Variants in MTR observed in about 807,000 individuals in gnomAD.
The protein encoded by MTR is 5-methyltetrahydrofolate-homocysteine methyltransferase, also known as methionine synthase.
In MTR, 84 loss-of-function variants were observed where a neutral mutation model predicts 154.8. The ratio of observed to expected loss-of-function variants is 0.54; its 90% CI spans 0.45 to 0.65. MTR has a LOEUF of 0.65. MTR is among the 30% of genes least tolerant of loss of function. The pLI is 0.00. For synonymous variants in MTR, 554 were observed against 553.9 expected (o/e 1.00, Z 0.00); for missense variants, 1,275 against 1,570.2 (o/e 0.81, Z 3.18).
rs1319904435 is a variant in MTR at position 236,795,648 on chromosome 1, T to A, written c.-56T>A. The A allele has an allele frequency of 6.2e-7, 1 of 1,611,940 alleles. No individual in the cohort carries two copies. Among genetic ancestry groups the A allele is most frequent in the South Asian group, 1.1e-5 (1 of 91,052 alleles). ...GGCGTGGCCCTTGGCCGTCGTCACCTGTGGAGAGCACGTCTTCTCTGCCGC... is the reference window on the plus strand; with the variant it reads ...GGCGTGGCCCTTGGCCGTCGTCACCAGTGGAGAGCACGTCTTCTCTGCCGC... On this transcript the variant is annotated 5_prime_UTR_variant, in exon 1 of 33. Transcript: ENST00000366577.
chr1:236,867,851 C>T (rs540071034), intron 22 of MTR, among the ~76,000 whole-genome samples: 1 of 152,128 alleles, frequency 6.6e-6, no homozygotes, highest in Non-Finnish European at 1.5e-5. Flanking sequence ...GCTACAATCT[C>T]GTAATACAAC....
chr1:236,897,744 TG>T lies in MTR; in HGVS notation c.*102del. 1 of 1,027,158 alleles carries T rather than the reference TG, an allele frequency of 9.7e-7. No homozygotes were observed. The highest frequency in any genetic ancestry group is 2.4e-5 in the East Asian group (1 of 41,864). The allele number at this position is 1,027,158 out of a possible 1,614,324, so 63.6% of individuals were successfully genotyped here. ...CAACAACAAAAAACCTGTGTGCATC[TG>T]GCTGACACTTACCTGCTTCTGGTTT... On this transcript the variant is annotated 3_prime_UTR_variant, in exon 33 of 33. Transcript: ENST00000366577.
Position 236,852,649 on chromosome 1 carries a change from G to C in MTR, c.1812+12G>C. 6.2e-7 allele frequency: 1 copy of C among 1,609,108 alleles called. No homozygotes were observed. Among genetic ancestry groups the C allele is most frequent in the East Asian group, 2.2e-5 (1 of 44,856 alleles). On this transcript the variant is annotated intron_variant, in intron 17 of 32. Coordinates refer to ENST00000366577, the MANE Select transcript of MTR (RefSeq NM_000254.3). ...ACCATGCAATCAAGGTATGGTAGAAGAACTCTTAGCCCTGCGGAAACCAGT... is the reference window on the plus strand; with the variant it reads ...ACCATGCAATCAAGGTATGGTAGAACAACTCTTAGCCCTGCGGAAACCAGT...
chr1:236,795,299 A>T lies in MTR; in HGVS notation c.-405A>T. Reference sequence around the variant, plus strand: ...CGAGGATAGATTGAGCGCAGAACTAACCGCGCTCTGAAAGGTTCTAAATGT... The same window carrying T: ...CGAGGATAGATTGAGCGCAGAACTATCCGCGCTCTGAAAGGTTCTAAATGT... On this transcript the variant is annotated 5_prime_UTR_variant, in exon 1 of 33. Coordinates refer to ENST00000366577, the MANE Select transcript of MTR (RefSeq NM_000254.3). 1.6e-6 allele frequency: 2 copies of T among 1,219,172 alleles called. No individual in the cohort carries two copies. Among genetic ancestry groups the T allele is most frequent in the Non-Finnish European group, 2.1e-6 (2 of 954,752 alleles). The allele number at this position is 1,219,172 out of a possible 1,614,324, so 75.5% of individuals were successfully genotyped here. A position where few individuals can be genotyped will look rare whatever the true frequency, so the allele number is the denominator to read the frequency against.
At chr1:236,874,223 T>C (rs1044567395) in intron 23 of MTR, among the ~76,000 whole-genome samples, 2 of 152,140 alleles carry the variant, frequency 1.3e-5, no homozygotes, top group Admixed American at 6.5e-5. Context: ...ATAAATCTTA[T>C]TTACTACCAA....
chr1:236,809,145 T>C (rs1661158955), intron 4 of MTR, among the ~76,000 whole-genome samples: 1 of 152,358 alleles, frequency 6.6e-6, no homozygotes, highest in East Asian at 1.9e-4. Context: ...TTGGCTGTTA[T>C]TAGGATAATT....
chr1:236,803,100 G>C (rs888002379), intron 1 of MTR, among the ~76,000 whole-genome samples: 7 of 152,138 alleles, frequency 4.6e-5, no homozygotes, highest in African/African-American at 1.7e-4. Context: ...TATCTGCACA[G>C]AATTAACAAG....
intron 22 of MTR, among the ~76,000 whole-genome samples, chr1:236,867,073 A>G (rs1664860512): frequency 6.6e-6 from 1 of 152,196 alleles, no homozygotes; most frequent in African/African-American, 2.4e-5. Flanking sequence ...ATGCTAACCA[A>G]TAGGTTTTCA....
intron 7 of MTR, 35 bp downstream of exon 7, chr1:236,815,698 T>TC (rs1386970036): frequency 3.5e-6 from 3 of 847,276 alleles, no homozygotes; most frequent in Non-Finnish European, 5.0e-6. Flanking sequence ...TACATTCTTT[T>TC]ATTAATAATT....
intron 25 of MTR, among the ~76,000 whole-genome samples, chr1:236,882,534 G>C (rs1385068390): frequency 2.0e-5 from 3 of 152,090 alleles, no homozygotes; most frequent in Admixed American, 2.0e-4. Context: ...GGGATTACAG[G>C]TGTGCACCAC....
intron 8 of MTR, among the ~76,000 whole-genome samples, chr1:236,823,637 A>G (rs1366877057): frequency 6.6e-6 from 1 of 152,092 alleles, no homozygotes; most frequent in Non-Finnish European, 1.5e-5. Context: ...CCACCCACTG[A>G]CAACCTTATA....
intron 30 of MTR, 146 bp from the exon 31 acceptor site, chr1:236,895,212 A>T: frequency 1.1e-6 from 1 of 922,484 alleles, no homozygotes; most frequent in Non-Finnish European, 1.7e-6. Context: ...TCAAGAATCC[A>T]GCCTGTTTCC....
Position 236,835,554 on chromosome 1 carries a change from T to A in MTR, c.1196T>A (p.Leu399Ter). ...LIMAGNYEEALCVAKVQVEMG... is the reference protein window; with the variant it reads ...LIMAGNYEEA ...CTCTCATTCTTCCTTCAGGAAGCCT[T>A]GTGTGTTGCCAAAGTGCAGGTGGAA... The change falls in exon 14 of 33, where the codon TTG (leucine) becomes TAG (stop). Residue 399 changes from leucine (L) to a stop codon, truncating the protein, a stop_gained. Coordinates refer to ENST00000366577, the MANE Select transcript of MTR (RefSeq NM_000254.3). LOFTEE classifies it high-confidence loss of function. 6.2e-7 allele frequency: 1 copy of A among 1,612,152 alleles called. No homozygotes were observed. The highest frequency in any genetic ancestry group is 8.5e-7 in the Non-Finnish European group (1 of 1,179,688).
At chr1:236,841,604 T>C (rs1413335149) in intron 15 of MTR, among the ~76,000 whole-genome samples, 1 of 151,954 alleles carries the variant, frequency 6.6e-6, no homozygotes, top group Admixed American at 6.6e-5. Context: ...ATTGCCTTTC[T>C]CTTAGGTTTT....
In MTR at chr1:236,871,289, A is replaced by G. The variant is rs560452777; in HGVS notation, c.2406-2484A>G. Among the ~76,000 whole-genome samples, 101 of 151,648 alleles carry G rather than the reference A, an allele frequency of 6.7e-4. No homozygotes were observed. In the South Asian group the frequency reaches 0.02, roughly 30 times the overall value. On this transcript the variant is annotated intron_variant, in intron 22 of 32. Coordinates refer to ENST00000366577, the MANE Select transcript of MTR (RefSeq NM_000254.3). ...GGTGATTCTGATGCGAAGTCTACAC[A>G]GGCTCTGGCCTTTTCCTCCTCCTCT...
chr1:236,866,044 T>G (rs1664804665), intron 22 of MTR, among the ~76,000 whole-genome samples: 1 of 152,058 alleles, frequency 6.6e-6, no homozygotes, highest in Non-Finnish European at 1.5e-5. Context: ...TTTACAATAT[T>G]TTTTTTGACT....
chr1:236,804,446 A>G lies in MTR; in HGVS notation c.249+804A>G, dbSNP rs12038350. Among the ~76,000 whole-genome samples the G allele has an allele frequency of 9.1e-3, 1,382 of 152,328 alleles. 138 individuals are homozygous for G. In the East Asian group the frequency reaches 0.21, roughly 23 times the overall value. On this transcript the variant is annotated intron_variant, in intron 2 of 32. Transcript: ENST00000366577. The stretch of plus-strand genomic sequence containing the variant: ...ATTTTGTATTTTAGTCTAGTTTTCT[A>G]TACTTGGAGTTTAAAAAATTAAATT...
intron 32 of MTR, among the ~76,000 whole-genome samples, 192 bp downstream of exon 32, chr1:236,897,310 G>GCGCGCGCGCGCGCGCACA: frequency 7.8e-6 from 1 of 128,612 alleles, no homozygotes; most frequent in African/African-American, 2.8e-5. Flanking sequence ...CCACACACAC[G>GCGCGCGCGCGCGCGCACA]CACACACACA....
At chr1:236,872,840 CA>C (rs1377265280) in intron 22 of MTR, among the ~76,000 whole-genome samples, 5 of 152,226 alleles carry the variant, frequency 3.3e-5, no homozygotes, top group South Asian at 2.1e-4. Context: ...ACCCTATCTA[CA>C]AAAACTGTAA....
Sources: allele counts gnomAD v4.1 joint callset (sites outside exome capture counted in the v4.1 genomes callset), GRCh38; gene constraint gnomAD v4.1.1; transcripts MANE v1.5; gene names NCBI Gene and HGNC (gene_info 2026-07-23, HGNC 2026-07-21).